Variants in IL1RAPL1 observed in about 807,000 individuals in gnomAD.
IL1RAPL1 encodes the protein interleukin-1 receptor accessory protein-like 1.
A neutral mutation model predicts 48.4 loss-of-function variants in IL1RAPL1; 3 were observed. That is an observed-to-expected ratio of 0.06 (90% CI 0.03 to 0.16). The LOEUF is 0.16. IL1RAPL1 is among the 10% of genes least tolerant of loss of function. The pLI, the probability that IL1RAPL1 is intolerant of heterozygous loss-of-function variation, is 1.00. For missense variants in IL1RAPL1, 349 were observed against 530.6 expected (o/e 0.66, Z 3.36); for synonymous variants, 185 against 187.7 (o/e 0.99, Z 0.12).
At chrX:29,906,464 T>A (rs1255412065) in intron 6 of IL1RAPL1, among the ~76,000 whole-genome samples, 1 of 278 alleles carries the variant, frequency 3.6e-3, no homozygotes, top group Non-Finnish European at 8.7e-3. Flanking sequence ...TTTGTAAATA[T>A]ATATATATAT....
intron 5 of IL1RAPL1, 42 bp from the exon 6 acceptor site, chrX:29,668,388 A>G (rs1363703825): frequency 1.9e-6 from 2 of 1,080,708 alleles, no homozygotes; most frequent in Admixed American, 2.2e-5. Context: ...TTTATGCAGC[A>G]TAACTATAAG....
intron 1 of IL1RAPL1, among the ~76,000 whole-genome samples, chrX:28,784,612 G>A (rs1489617703): frequency 2.7e-5 from 3 of 111,362 alleles, no homozygotes; most frequent in African/African-American, 9.8e-5. Flanking sequence ...CTTTGTAGGT[G>A]AGAAAACTGG....
intron 5 of IL1RAPL1, among the ~76,000 whole-genome samples, chrX:29,505,363 T>G (rs1935316582): frequency 9.0e-6 from 1 of 111,009 alleles, no homozygotes; most frequent in African/African-American, 3.3e-5. Flanking sequence ...CTTCAAATAT[T>G]TTCTTTTTGC....
At chrX:29,182,650 G>A (rs1010356291) in intron 2 of IL1RAPL1, among the ~76,000 whole-genome samples, 4 of 100,733 alleles carry the variant, frequency 4.0e-5, no homozygotes, top group Non-Finnish European at 8.1e-5. Context: ...ACATTGTTTT[G>A]TCATTTGGTA....
intron 2 of IL1RAPL1, among the ~76,000 whole-genome samples, chrX:29,055,683 G>C (rs184018776): frequency 8.9e-6 from 1 of 111,884 alleles, no homozygotes; most frequent in Admixed American, 9.5e-5. Flanking sequence ...ACTAAAATTT[G>C]TAGGAGGATA....
rs762918998 is a variant in IL1RAPL1, at chrX:29,319,364, A to ATTTTT, written c.362+36163_362+36167dup. Reference sequence around the variant, plus strand: ...ACCCCACTGCATGTAGATAAATTTAATTTTTTTTTTTTTTTTTTTTGTAGA... The same window carrying ATTTTT: ...ACCCCACTGCATGTAGATAAATTTAATTTTTTTTTTTTTTTTTTTTTTTTTGTAGA... On this transcript the variant is annotated intron_variant, in intron 3 of 10. Transcript: ENST00000378993. 9.7e-3 allele frequency among the ~76,000 whole-genome samples: 566 copies of ATTTTT among 58,114 alleles called. 46 individuals are homozygous for ATTTTT. The highest frequency in any genetic ancestry group is 0.04 in the African/African-American group (542 of 13,649). 50.5% of individuals were successfully genotyped at this position (58,114 alleles called of 115,157 possible).
intron 1 of IL1RAPL1, among the ~76,000 whole-genome samples, chrX:28,744,213 T>C (rs780184780): frequency 2.5e-4 from 28 of 111,567 alleles, no homozygotes; most frequent in Admixed American, 1.6e-3. Context: ...CATCTTTCCA[T>C]GCACCTATGA....
intron 6 of IL1RAPL1, among the ~76,000 whole-genome samples, chrX:29,915,479 TGTC>T (rs1259347441): frequency 8.9e-6 from 1 of 112,188 alleles, no homozygotes; most frequent in Non-Finnish European, 1.9e-5. Flanking sequence ...ATAAAAATGT[TGTC>T]ATTGTGGAAC....
intron 6 of IL1RAPL1, among the ~76,000 whole-genome samples, chrX:29,677,532 C>T (rs943721697): frequency 7.2e-5 from 8 of 111,778 alleles, no homozygotes; most frequent in African/African-American, 2.3e-4. Flanking sequence ...TATAAGAACC[C>T]TTTTGTAACT....
intron 2 of IL1RAPL1, among the ~76,000 whole-genome samples, chrX:28,894,041 A>G (rs1319984271): frequency 8.9e-6 from 1 of 112,174 alleles, no homozygotes; most frequent in African/African-American, 3.2e-5. Context: ...TGCCCCTTGC[A>G]GTGAATGACT....
intron 2 of IL1RAPL1, among the ~76,000 whole-genome samples, chrX:29,145,746 G>T (rs1231367404): frequency 2.7e-5 from 3 of 111,698 alleles, no homozygotes; most frequent in Admixed American, 9.6e-5. Flanking sequence ...TCAGTTAATT[G>T]CATCGTCATT....
intron 1 of IL1RAPL1, among the ~76,000 whole-genome samples, chrX:28,645,347 CAA>C (rs35814453): frequency 2.5e-3 from 74 of 29,055 alleles, no homozygotes; most frequent in Admixed American, 9.1e-3. Flanking sequence ...AATTCCGCCT[CAA>C]AAAAAAAAAA....
chrX:29,939,741 T>C (rs1352469312), intron 8 of IL1RAPL1, among the ~76,000 whole-genome samples: 1 of 112,399 alleles, frequency 8.9e-6, no homozygotes, highest in Non-Finnish European at 1.9e-5. Flanking sequence ...TTTTCTTCAA[T>C]TTCCCATTTA....
chrX:29,392,120 T>G lies in IL1RAPL1; in HGVS notation c.363-4138T>G, dbSNP rs761022999. ...GTTTACTCTCAGTTGTAAATAACTC[T>G]GTTTTCTCTGCCTGTATGCATGTCC... On this transcript the variant is annotated intron_variant, in intron 3 of 10. Coordinates refer to ENST00000378993, the MANE Select transcript of IL1RAPL1 (RefSeq NM_014271.4). 4.4e-3 allele frequency among the ~76,000 whole-genome samples: 495 copies of G among 112,046 alleles called. 4 individuals carry two copies. Among genetic ancestry groups the G allele is most frequent in the African/African-American group, 0.016 (481 of 30,862 alleles).
intron 6 of IL1RAPL1, among the ~76,000 whole-genome samples, chrX:29,780,743 C>T (rs1299482156): frequency 9.0e-6 from 1 of 111,322 alleles, no homozygotes; most frequent in Non-Finnish European, 1.9e-5. Context: ...CCTCCTCATA[C>T]ATTATTTTAT....
At chrX:28,955,503 G>T (rs778328458) in intron 2 of IL1RAPL1, among the ~76,000 whole-genome samples, 2 of 110,129 alleles carry the variant, frequency 1.8e-5, no homozygotes, top group East Asian at 5.8e-4. Context: ...CATAGGGCTA[G>T]CCAGTTTTCC....
intron 2 of IL1RAPL1, among the ~76,000 whole-genome samples, chrX:29,257,229 G>A (rs182370839): frequency 9.0e-6 from 1 of 111,045 alleles, no homozygotes; most frequent in Non-Finnish European, 1.9e-5. Context: ...CAATCTATCC[G>A]GTTATAATGT....
intron 5 of IL1RAPL1, among the ~76,000 whole-genome samples, chrX:29,636,455 A>G (rs747929996): frequency 8.9e-6 from 1 of 112,273 alleles, no homozygotes; most frequent in South Asian, 3.7e-4. Context: ...TTGCACAACC[A>G]TTTTTGGAAC....
At chrX:29,842,226 G>A (rs767281669) in intron 6 of IL1RAPL1, among the ~76,000 whole-genome samples, 18 of 112,027 alleles carry the variant, frequency 1.6e-4, no homozygotes, top group Non-Finnish European at 3.0e-4. Flanking sequence ...AAATATTATG[G>A]CAATGTACTC....
Sources: gnomAD v4.1 joint callset for allele counts (sites outside exome capture counted in the v4.1 genomes callset) on GRCh38, gnomAD v4.1.1 for gene constraint, MANE v1.5 for transcripts, NCBI Gene and HGNC (gene_info 2026-07-23, HGNC 2026-07-21) for gene names.